Variants in MYCBP2 observed in about 807,000 individuals in gnomAD.
MYCBP2 encodes the protein MYC binding protein 2.
Under a neutral mutation model 525.3 loss-of-function variants are expected in MYCBP2, and 120 were observed. The observed-to-expected ratio is 0.23, with a 90% CI of 0.20 to 0.27. MYCBP2 has a LOEUF of 0.27. Ranked by LOEUF, MYCBP2 falls within the 10% of genes least tolerant of loss-of-function variation. The probability of loss-of-function intolerance (pLI) is 1.00; values close to 1 mark genes in which losing one functional copy is unlikely to be tolerated. For synonymous variants in MYCBP2, 1,894 were observed against 1,955.8 expected, an observed-to-expected ratio of 0.97 and a Z score of 0.83; for missense variants, 4,149 against 5,657.1, an observed-to-expected ratio of 0.73 and a Z score of 8.55.
chr13:77,081,665 ATATAAGTACT>A lies in MYCBP2; in HGVS notation c.11194-24_11194-15del, dbSNP rs1566435996. 1 of 1,587,992 alleles carries A rather than the reference ATATAAGTACT, an allele frequency of 6.3e-7. No individual in the cohort carries two copies. Among genetic ancestry groups the A allele is most frequent in the East Asian group, 2.2e-5 (1 of 44,604 alleles). ...TATGCATAATTCCTATCAGAAACAA[ATATAAGTACT>A]TATGATACTTAAAAGCAAATCTTTC... is the stretch of plus-strand genomic sequence containing the variant. On this transcript the variant is annotated splice_polypyrimidine_tract_variant and intron_variant, in intron 64 of 82. Coordinates refer to ENST00000544440, the MANE Select transcript of MYCBP2 (RefSeq NM_015057.5). The surrounding 1 kb of genome is among the most constrained non-coding windows in gnomAD (Gnocchi z 4.6).
intron 80 of MYCBP2, among the ~76,000 whole-genome samples, chr13:77,054,150 G>A (rs1261056765): frequency 6.6e-6 from 1 of 152,130 alleles, no homozygotes; most frequent in Non-Finnish European, 1.5e-5. Flanking sequence ...GTATGGGGTT[G>A]GGGGTGGCAG....
chr13:77,127,662 G>A (rs2153504), intron 52 of MYCBP2, among the ~76,000 whole-genome samples: 147,603 of 151,982 alleles, frequency 0.97, 71,742 homozygotes, highest in East Asian at 1. Context: ...ATGCAAGATA[G>A]AATTGTATTA....
chr13:77,144,647 G>T, intron 48 of MYCBP2, 87 bp from the exon 49 acceptor site: 1 of 884,312 alleles, frequency 1.1e-6, no homozygotes, highest in Admixed American at 1.7e-5. Context: ...CATTTAATTT[G>T]TTTGCATACC....
At chr13:77,291,235 A>G (rs1041118351) in intron 2 of MYCBP2, among the ~76,000 whole-genome samples, 2 of 152,242 alleles carry the variant, frequency 1.3e-5, no homozygotes, top group African/African-American at 4.8e-5. Context: ...CTGAACAGAC[A>G]TTTCACATCA....
intron 72 of MYCBP2, among the ~76,000 whole-genome samples, chr13:77,064,971 A>T (rs1205797875): frequency 6.6e-6 from 1 of 152,190 alleles, no homozygotes. Flanking sequence ...TTAAGTTCTC[A>T]ATACTCTTTT....
chr13:77,210,057 G>A (rs112083604), intron 23 of MYCBP2, among the ~76,000 whole-genome samples: 13 of 152,232 alleles, frequency 8.5e-5, no homozygotes, highest in African/African-American at 2.6e-4. Context: ...AAGGCCGGCC[G>A]CAAAAGGAAA....
At chr13:77,211,105 A>G (rs1451850814) in intron 23 of MYCBP2, 62 bp downstream of exon 23, 1 of 1,266,354 alleles carries the variant, frequency 7.9e-7, no homozygotes, top group Non-Finnish European at 1.0e-6. Context: ...TAAAGTTTAT[A>G]TTACCATAAG....
In MYCBP2 at chr13:77,150,439, G is replaced by A. The variant is rs899978391; in HGVS notation, c.7131+295C>T. ...TTATAGGTGTGGGCCACTGTTCCTG[G>A]TCAGAAGTAGACAAGTACTTTCACA... is the stretch of plus-strand genomic sequence containing the variant. On this transcript the variant is annotated intron_variant, in intron 47 of 82. Coordinates refer to ENST00000544440, the MANE Select transcript of MYCBP2 (RefSeq NM_015057.5). 3.9e-5 allele frequency among the ~76,000 whole-genome samples: 6 copies of A among 152,188 alleles called. No individual in the cohort carries two copies. The South Asian group carries it at 8.3e-4, about 21-fold the overall frequency.
intron 3 of MYCBP2, among the ~76,000 whole-genome samples, chr13:77,284,260 A>C (rs9574026): frequency 6.6e-6 from 1 of 151,334 alleles, no homozygotes; most frequent in Non-Finnish European, 1.5e-5. Flanking sequence ...GAGTACAAGA[A>C]ACAGAAACCT....
intron 69 of MYCBP2, among the ~76,000 whole-genome samples, chr13:77,069,692 TAAAAAAAAAAA>T (rs752290620): frequency 1.4e-5 from 1 of 70,350 alleles, no homozygotes; most frequent in African/African-American, 5.3e-5. Context: ...CCGTCTGTAC[TAAAAAAAAAAA>T]AAAAAAAAAA....
chr13:77,250,080 G>A (rs1478764478), intron 15 of MYCBP2, among the ~76,000 whole-genome samples: 3 of 151,930 alleles, frequency 2.0e-5, no homozygotes, highest in Admixed American at 1.3e-4. Flanking sequence ...AAAATTAGCC[G>A]GGCGTAGTGG....
At chr13:77,137,913 C>T (rs1487723382) in intron 52 of MYCBP2, among the ~76,000 whole-genome samples, 1 of 152,022 alleles carries the variant, frequency 6.6e-6, no homozygotes, top group East Asian at 1.9e-4. Flanking sequence ...CAAAAACCAA[C>T]TCCCCCTTGC....
In MYCBP2 at chr13:77,189,024, G is replaced by A. The variant is rs1363337894; in HGVS notation, c.4178C>T (p.Ala1393Val). The A allele has an allele frequency of 6.2e-7, 1 of 1,610,654 alleles. No homozygotes were observed. Among genetic ancestry groups the A allele is most frequent in the Admixed American group, 1.7e-5 (1 of 59,542 alleles). The change falls in exon 30 of 83, where the codon GCT becomes GTT. Residue 1393 changes from alanine (A) to valine (V), a missense_variant. By Grantham distance (64) the Ala-to-Val change is moderately conservative. Around this residue, in one of 21 missense-constraint regions of MYCBP2, gnomAD observed 292 missense variants for 330.5 expected, o/e 0.88. Coordinates refer to ENST00000544440, the MANE Select transcript of MYCBP2 (RefSeq NM_015057.5). ...ACTGGTTTGCTGTTTGCCTTTTGAAGCACTGCCATCACTGGTTGGAAGTCT... is the reference window on the plus strand; with the variant it reads ...ACTGGTTTGCTGTTTGCCTTTTGAAACACTGCCATCACTGGTTGGAAGTCT... ...LYRLPTSDGS[A>V]SKGKQQTSEP... is the part of the protein sequence containing the mutation.
rs980239952 is a variant in MYCBP2, at chr13:77,194,263, C to A, written c.3844-19G>T. 1 of 1,555,358 alleles carries A rather than the reference C, an allele frequency of 6.4e-7. No homozygotes were observed. Among genetic ancestry groups the A allele is most frequent in the African/African-American group, 1.4e-5 (1 of 73,698 alleles). On this transcript the variant is annotated intron_variant, in intron 26 of 82. Transcript: ENST00000544440. ...CAAACAGCTAAGGAAAGGAGAAAGA[C>A]AATCATTTATATAAATCAGCTATAC... is the stretch of plus-strand genomic sequence containing the variant.
At chr13:77,068,486 A>T in intron 70 of MYCBP2, 79 bp downstream of exon 70, 4 of 1,522,486 alleles carry the variant, frequency 2.6e-6, no homozygotes, top group Non-Finnish European at 3.6e-6. Context: ...GGGTCCTTAG[A>T]TAATTCTCTT....
At position 77,180,314 on chromosome 13, in the gene MYCBP2, T is replaced by C; in HGVS notation, c.4946A>G (p.Glu1649Gly). 6.2e-7 allele frequency: 1 copy of C among 1,614,012 alleles called. No homozygotes were observed. Among genetic ancestry groups the C allele is most frequent in the Non-Finnish European group, 8.5e-7 (1 of 1,179,896 alleles). Residue 1649 changes from glutamate (E) to glycine (G), a missense_variant, in exon 34 of 83, where the codon GAA (glutamate) becomes GGA (glycine). Coordinates refer to ENST00000544440, the MANE Select transcript of MYCBP2 (RefSeq NM_015057.5). ...VAHMEKLSQS[E>G]ENISGMTSFR... ...GCTTGTCATCCCTGAGATATTCTCT[T>C]CACTCTGCGATACATAAGAAAAAGT...
At chr13:77,068,494 CT>C in intron 70 of MYCBP2, 70 bp downstream of exon 70, 1 of 1,546,070 alleles carries the variant, frequency 6.5e-7, no homozygotes, top group Non-Finnish European at 8.8e-7. Context: ...AGATAATTCT[CT>C]TTGCATTGCA....
intron 17 of MYCBP2, among the ~76,000 whole-genome samples, chr13:77,236,160 A>T (rs190425590): frequency 1.6e-3 from 243 of 152,362 alleles, no homozygotes; most frequent in South Asian, 3.5e-3. Flanking sequence ...GCCTCAGCTA[A>T]GGAAACAGTA....
At chr13:77,287,431 C>G (rs1445629460) in intron 3 of MYCBP2, among the ~76,000 whole-genome samples, 1 of 152,084 alleles carries the variant, frequency 6.6e-6, no homozygotes, top group Non-Finnish European at 1.5e-5. Flanking sequence ...GTGATCCACC[C>G]GCCTTGGCCT....
Sources: allele counts gnomAD v4.1 joint callset (sites outside exome capture counted in the v4.1 genomes callset), GRCh38; gene constraint gnomAD v4.1.1; regional missense constraint gnomAD v4.1.1; non-coding constraint Gnocchi (gnomAD v3.1); transcripts MANE v1.5; gene names NCBI Gene and HGNC (gene_info 2026-07-23, HGNC 2026-07-21).